The following MARCHF1 variants were observed in gnomAD, a reference collection of about 807,000 sequenced individuals.
MARCHF1 encodes the protein membrane associated ring-CH-type finger 1, also known as E3 ubiquitin-protein ligase MARCHF1.
In MARCHF1, 40 loss-of-function variants were observed where a neutral mutation model predicts 54.2. The observed-to-expected ratio is 0.74, with a 90% CI of 0.57 to 0.96. The LOEUF is 0.96. MARCHF1 is among the 40% of genes least tolerant of loss of function. The pLI is 0.00. For missense variants in MARCHF1, 586 were observed against 656.5 expected (o/e 0.89, Z 1.17); for synonymous variants, 236 against 236.3 (o/e 1.00, Z 0.01).
intron 1 of MARCHF1, among the ~76,000 whole-genome samples, chr4:164,185,410 C>T (rs1204483101): frequency 1.3e-5 from 2 of 152,188 alleles, no homozygotes; most frequent in African/African-American, 2.4e-5. Flanking sequence ...TCTTTCCACA[C>T]TTAACCAGTC....
chr4:164,165,510 A>C (rs1303507977), intron 1 of MARCHF1, among the ~76,000 whole-genome samples: 1 of 151,918 alleles, frequency 6.6e-6, no homozygotes, highest in East Asian at 1.9e-4. Context: ...TCTACCCTCC[A>C]AAATTATGAG....
intron 4 of MARCHF1, among the ~76,000 whole-genome samples, chr4:163,821,043 A>G (rs1315847975): frequency 2.3e-4 from 35 of 151,982 alleles, no homozygotes; most frequent in Admixed American, 2.3e-3. Flanking sequence ...CCACCTCTCT[A>G]ACTTCAGCTC....
chr4:163,814,489 C>T (rs1206293120), intron 4 of MARCHF1, among the ~76,000 whole-genome samples: 2 of 152,158 alleles, frequency 1.3e-5, no homozygotes, highest in Non-Finnish European at 2.9e-5. Context: ...GAGGCTGAGG[C>T]AGGAGTATCG....
chr4:163,722,857 T>C (rs1324183892), intron 4 of MARCHF1, among the ~76,000 whole-genome samples: 1 of 152,204 alleles, frequency 6.6e-6, no homozygotes, highest in Admixed American at 6.5e-5. Context: ...CCCTGCCTTT[T>C]TTTGTTTTCC....
intron 8 of MARCHF1, among the ~76,000 whole-genome samples, chr4:163,570,514 G>A (rs1195827172): frequency 8.6e-5 from 13 of 151,976 alleles, no homozygotes; most frequent in South Asian, 2.1e-4. Flanking sequence ...TACATGGTGG[G>A]GAGGGTGAAT....
intron 3 of MARCHF1, among the ~76,000 whole-genome samples, chr4:163,915,947 A>G (rs1751299359): frequency 6.6e-6 from 1 of 152,120 alleles, no homozygotes; most frequent in Non-Finnish European, 1.5e-5. Context: ...GAACCTGAAT[A>G]TAGATATTTT....
intron 4 of MARCHF1, among the ~76,000 whole-genome samples, chr4:163,772,358 A>G (rs1375439031): frequency 1.3e-5 from 2 of 152,178 alleles, no homozygotes; most frequent in Admixed American, 1.3e-4. Context: ...ATTGCCACAA[A>G]CTGAACAGCC....
In MARCHF1 at chr4:163,774,741, C is replaced by T. The variant is rs191689827; in HGVS notation, c.112-73878G>A. 1.9e-3 allele frequency among the ~76,000 whole-genome samples: 296 copies of T among 152,190 alleles called. 4 individuals are homozygous for T. The highest frequency in any genetic ancestry group is 6.7e-3 in the African/African-American group (279 of 41,528). The stretch of plus-strand genomic sequence containing the variant: ...GAACTCCTGACCTCAAATGATTCAC[C>T]CACCTCAGCCTCCCAAAATGCTGGG... On this transcript the variant is annotated intron_variant, in intron 4 of 9. Coordinates refer to ENST00000514618, the MANE Select transcript of MARCHF1 (RefSeq NM_001394959.1).
In MARCHF1 at chr4:164,101,170, G is replaced by T. The variant is rs190662514; in HGVS notation, c.-248+10418C>A. 6.4e-3 allele frequency among the ~76,000 whole-genome samples: 971 copies of T among 152,310 alleles called. 11 individuals are homozygous for T. Among genetic ancestry groups the T allele is most frequent in the African/African-American group, 0.019 (780 of 41,584 alleles). ...CAGTCTGAGATCAAACTGCAAGGCA[G>T]CAGCGAGGCCGGGGGAGGGGCACCC... On this transcript the variant is annotated intron_variant, in intron 2 of 9. Coordinates refer to ENST00000514618, the MANE Select transcript of MARCHF1 (RefSeq NM_001394959.1).
chr4:163,761,809 C>T (rs1488677265), intron 4 of MARCHF1, among the ~76,000 whole-genome samples: 2 of 152,166 alleles, frequency 1.3e-5, no homozygotes, highest in African/African-American at 2.4e-5. Flanking sequence ...AAATACAACA[C>T]ATCATCTTGC....
intron 4 of MARCHF1, among the ~76,000 whole-genome samples, chr4:163,751,680 GAC>G (rs1462891238): frequency 6.6e-6 from 1 of 151,998 alleles, no homozygotes; most frequent in Non-Finnish European, 1.5e-5. Flanking sequence ...AGACAGTAAA[GAC>G]AGACTTAAAC....
intron 4 of MARCHF1, among the ~76,000 whole-genome samples, chr4:163,714,297 C>T (rs151190285): frequency 1.1e-3 from 161 of 152,316 alleles, no homozygotes; most frequent in Non-Finnish European, 1.4e-3. Context: ...AGTTAAAACA[C>T]TGTGTGTGCT....
intron 4 of MARCHF1, among the ~76,000 whole-genome samples, chr4:163,829,340 G>C (rs1031641921): frequency 1.3e-5 from 2 of 152,072 alleles, no homozygotes; most frequent in African/African-American, 4.8e-5. Flanking sequence ...TAGAGACACA[G>C]AAAGACTAGA....
At chr4:164,360,361 A>G (rs550318485) in intron 1 of MARCHF1, among the ~76,000 whole-genome samples, 11 of 152,288 alleles carry the variant, frequency 7.2e-5, no homozygotes, top group Admixed American at 1.3e-4. Flanking sequence ...CAAAAAATCC[A>G]TAACAGGAAT....
At chr4:164,372,017 G>A (rs1187726642) in intron 1 of MARCHF1, among the ~76,000 whole-genome samples, 1 of 152,196 alleles carries the variant, frequency 6.6e-6, no homozygotes, top group Non-Finnish European at 1.5e-5. Context: ...GGAGGTCAAG[G>A]CTGCCAGTGA....
chr4:163,986,746 G>T (rs1478702681), intron 3 of MARCHF1, among the ~76,000 whole-genome samples: 1 of 152,094 alleles, frequency 6.6e-6, no homozygotes, highest in Non-Finnish European at 1.5e-5. Flanking sequence ...ACTTAACAAA[G>T]AATAATTTCA....
At chr4:164,163,298 A>G (rs1730289095) in intron 1 of MARCHF1, among the ~76,000 whole-genome samples, 1 of 152,038 alleles carries the variant, frequency 6.6e-6, no homozygotes. Context: ...CTAAAATACA[A>G]AATAAAGACA....
chr4:164,156,332 T>C (rs1192001259), intron 1 of MARCHF1, among the ~76,000 whole-genome samples: 2 of 152,216 alleles, frequency 1.3e-5, no homozygotes, highest in Non-Finnish European at 2.9e-5. Flanking sequence ...TTTAATTAAT[T>C]AAACAAAATT....
In MARCHF1 at chr4:163,662,583, C is replaced by G. The variant is rs550755580; in HGVS notation, c.162+38230G>C. On this transcript the variant is annotated intron_variant, in intron 5 of 9. Coordinates refer to ENST00000514618, the MANE Select transcript of MARCHF1 (RefSeq NM_001394959.1). The stretch of plus-strand genomic sequence containing the variant: ...TTGTCTCTACTTGCTCTAAGTCCGT[C>G]TGTTACCATCTCTCTCTGTCTCTGA... Among the ~76,000 whole-genome samples, 90 of 152,148 alleles carry G rather than the reference C, an allele frequency of 5.9e-4. 1 individual carries two copies. Among genetic ancestry groups the G allele is most frequent in the African/African-American group, 2.0e-3 (82 of 41,524 alleles).
Sources: gnomAD v4.1 joint callset for allele counts (sites outside exome capture counted in the v4.1 genomes callset) on GRCh38, gnomAD v4.1.1 for gene constraint, MANE v1.5 for transcripts, NCBI Gene and HGNC (gene_info 2026-07-23, HGNC 2026-07-21) for gene names.